The following RWDD1 variants were observed in gnomAD, a reference collection of about 807,000 sequenced individuals.
The protein encoded by RWDD1 is RWD domain containing 1.
A neutral mutation model predicts 31.6 loss-of-function variants in RWDD1; 17 were observed. The ratio of observed to expected loss-of-function variants is 0.54; its 90% CI spans 0.37 to 0.81. The LOEUF is 0.81. Ranked by LOEUF, RWDD1 falls within the 30% of genes least tolerant of loss-of-function variation. The pLI, the probability that RWDD1 is intolerant of heterozygous loss-of-function variation, is 0.00. For missense variants in RWDD1, 204 were observed against 274.5 expected (o/e 0.74, Z 1.82); for synonymous variants, 78 against 94.2 (o/e 0.83, Z 0.99).
At chr6:116,580,057 A>C (rs1774921772) in intron 1 of RWDD1, 1 of 300,428 alleles carries the variant, frequency 3.3e-6, no homozygotes, top group Non-Finnish European at 6.1e-6. Flanking sequence ...TGACTTGGTA[A>C]AACTCCAAGA....
chr6:116,583,045 T>C (rs1214541869), intron 2 of RWDD1, among the ~76,000 whole-genome samples: 1 of 151,864 alleles, frequency 6.6e-6, no homozygotes, highest in Admixed American at 6.6e-5. Context: ...TGGTGCTATC[T>C]TAGCTCACTG....
At chr6:116,574,357 T>G (rs758083309) in intron 1 of RWDD1, among the ~76,000 whole-genome samples, 1 of 152,202 alleles carries the variant, frequency 6.6e-6, no homozygotes, top group African/African-American at 2.4e-5. Context: ...CCATTCACAT[T>G]TGACAGTTAT....
At chr6:116,591,981 G>A (rs1428288750) in intron 6 of RWDD1, among the ~76,000 whole-genome samples, 1 of 152,138 alleles carries the variant, frequency 6.6e-6, no homozygotes, top group African/African-American at 2.4e-5. Flanking sequence ...ATTTTCACCT[G>A]GATTTTTGTG....
intron 3 of RWDD1, 66 bp downstream of exon 3, chr6:116,584,923 T>C: frequency 7.8e-7 from 1 of 1,278,840 alleles, no homozygotes; most frequent in South Asian, 1.3e-5. Context: ...CATATTAATT[T>C]CAAGAGTTAG....
At position 116,592,970 on chromosome 6, in the gene RWDD1, C is replaced by A; in HGVS notation, c.611-10C>A. On this transcript the variant is annotated splice_polypyrimidine_tract_variant and intron_variant, in intron 6 of 6. Transcript: ENST00000466444. ...GGAGATTTTTTTTTTTTTTTGGTTG[C>A]CTTTTGCAGCTGGAAACAACGTGGA... 12 of 1,575,438 alleles carry A rather than the reference C, an allele frequency of 7.6e-6. No homozygotes were observed. The highest frequency in any genetic ancestry group is 1.0e-5 in the Non-Finnish European group (12 of 1,167,556).
chr6:116,586,856 T>G (rs1465462607), intron 3 of RWDD1, among the ~76,000 whole-genome samples: 1 of 152,208 alleles, frequency 6.6e-6, no homozygotes, highest in Non-Finnish European at 1.5e-5. Flanking sequence ...TGTGCCAATT[T>G]ATGATCTCAC....
chr6:116,580,403 A>G (rs1774927942), intron 2 of RWDD1, 43 bp downstream of exon 2: 1 of 1,458,038 alleles, frequency 6.9e-7, no homozygotes. Flanking sequence ...TAAATTTCTC[A>G]GGAATTTCAC....
At position 116,595,252 on chromosome 6, in the gene RWDD1, T is replaced by G. The variant is rs779180527; in HGVS notation, c.*2151T>G. On this transcript the variant is annotated 3_prime_UTR_variant, in exon 7 of 7. Coordinates refer to ENST00000466444, the MANE Select transcript of RWDD1 (RefSeq NM_015952.4). ...ATGTGATTTTTAAGAATAAATTTTA[T>G]ATATTTCTCCAGGTATTAAAGTGGA... 5.9e-5 allele frequency: 9 copies of G among 152,260 alleles called. No homozygotes were observed. Among genetic ancestry groups the G allele is most frequent in the Non-Finnish European group, 1.3e-4 (9 of 68,034 alleles). 9.4% of individuals were successfully genotyped at this position (152,260 alleles called of 1,614,324 possible). A position where few individuals can be genotyped will look rare whatever the true frequency, so the allele number is the denominator to read the frequency against.
chr6:116,585,487 A>T (rs1426885470), intron 3 of RWDD1, among the ~76,000 whole-genome samples: 1 of 152,158 alleles, frequency 6.6e-6, no homozygotes, highest in African/African-American at 2.4e-5. Context: ...GACAGTTTTC[A>T]TGGGGTTCTT....
chr6:116,577,022 A>AGAGT (rs1774857781), intron 1 of RWDD1, among the ~76,000 whole-genome samples: 1 of 152,224 alleles, frequency 6.6e-6, no homozygotes, highest in African/African-American at 2.4e-5. Flanking sequence ...AGACACTGCC[A>AGAGT]CATCAGACTC....
At chr6:116,586,072 A>G (rs1187813907) in intron 3 of RWDD1, among the ~76,000 whole-genome samples, 3 of 152,098 alleles carry the variant, frequency 2.0e-5, no homozygotes, top group Non-Finnish European at 4.4e-5. Flanking sequence ...TGTTTTTAGT[A>G]TTTTGTTTGT....
chr6:116,578,492 G>A (rs150910171), intron 1 of RWDD1, among the ~76,000 whole-genome samples: 249 of 152,298 alleles, frequency 1.6e-3, no homozygotes, highest in Non-Finnish European at 2.9e-3. Context: ...CTGACCTATA[G>A]CCTCAGGGAG....
intron 1 of RWDD1, 97 bp downstream of exon 1, chr6:116,571,752 G>A: frequency 8.8e-7 from 1 of 1,130,688 alleles, no homozygotes. Flanking sequence ...GGGTGGAGAA[G>A]GGGACCTTGA....
At chr6:116,572,177 T>C (rs924981453) in intron 1 of RWDD1, among the ~76,000 whole-genome samples, 1 of 148,500 alleles carries the variant, frequency 6.7e-6, no homozygotes, top group Non-Finnish European at 1.5e-5. Context: ...AAAAAAAAAA[T>C]CTGGCATTCA....
intron 3 of RWDD1, among the ~76,000 whole-genome samples, chr6:116,588,507 G>C (rs1415623609): frequency 6.6e-6 from 1 of 152,026 alleles, no homozygotes; most frequent in Non-Finnish European, 1.5e-5. Context: ...CCTCAATGCA[G>C]TTCATTGTCA....
intron 2 of RWDD1, among the ~76,000 whole-genome samples, chr6:116,583,075 T>C (rs1774976726): frequency 6.6e-6 from 1 of 151,880 alleles, no homozygotes; most frequent in African/African-American, 2.4e-5. Context: ...ACTCCTGGGC[T>C]CAAGCAGTTC....
At chr6:116,572,990 G>C in intron 1 of RWDD1, 1 of 985,492 alleles carries the variant, frequency 1.0e-6, no homozygotes, top group Non-Finnish European at 1.2e-6. Flanking sequence ...AACTGGGTGA[G>C]TGTGTATGGA....
intron 2 of RWDD1, 64 bp downstream of exon 2, chr6:116,580,424 G>A (rs1388476718): frequency 5.7e-6 from 7 of 1,220,194 alleles, no homozygotes; most frequent in Non-Finnish European, 8.2e-6. Context: ...TCATTCTGTA[G>A]GCATTATGCT....
chr6:116,588,946 A>G lies in RWDD1; in HGVS notation c.375A>G (p.Glu125=). ...AGATAAAAACTAGAAGAGAAGAAGAAAAGAAACAAAAAGAAAAAGAAGCAG... is the reference window on the plus strand; with the variant it reads ...AGATAAAAACTAGAAGAGAAGAAGAGAAGAAACAAAAAGAAAAAGAAGCAG... ...VDQIKTRREE[E]KKQKEKEAEE... Residue 125 remains glutamate (E), a synonymous_variant, in exon 4 of 7, where the codon GAA becomes GAG. Transcript: ENST00000466444. 7.0e-7 allele frequency: 1 copy of G among 1,437,998 alleles called. No homozygotes were observed. Among genetic ancestry groups the G allele is most frequent in the South Asian group, 1.6e-5 (1 of 64,470 alleles). The allele number at this position is 1,437,998 out of a possible 1,614,324, so 89.1% of individuals were successfully genotyped here.
Sources: gnomAD v4.1 joint callset for allele counts (sites outside exome capture counted in the v4.1 genomes callset) on GRCh38, gnomAD v4.1.1 for gene constraint, MANE v1.5 for transcripts, NCBI Gene and HGNC (gene_info 2026-07-23, HGNC 2026-07-21) for gene names.